NPR3: variants seen among roughly 807,000 people sequenced by gnomAD.
NPR3 encodes the protein natriuretic peptide receptor 3.
NPR3 carries 34 observed loss-of-function variants against 54.5 expected under a neutral mutation model. The observed-to-expected ratio is 0.62, with a 90% CI of 0.47 to 0.83. NPR3 has a LOEUF of 0.83. Among genes scored for constraint, NPR3 ranks in the 40% least tolerant of loss-of-function variants. NPR3 has a pLI of 0.00. For synonymous variants in NPR3, 289 were observed against 297.1 expected, an observed-to-expected ratio of 0.97 and a Z score of 0.28; for missense variants, 674 against 720.8, an observed-to-expected ratio of 0.94 and a Z score of 0.74.
In NPR3 at chr5:32,773,263, G is replaced by A. The variant is rs548793834; in HGVS notation, c.1060-1445G>A. On this transcript the variant is annotated intron_variant, in intron 3 of 7. Transcript: ENST00000265074. ...GGATTTTTTGTACTTTTTGTACAGAGTTTTTTTGTAAACCTCTTGGTGTTT... is the reference window on the plus strand; with the variant it reads ...GGATTTTTTGTACTTTTTGTACAGAATTTTTTTGTAAACCTCTTGGTGTTT... Among the ~76,000 whole-genome samples, 5 of 152,218 alleles carry A rather than the reference G, an allele frequency of 3.3e-5. No individual in the cohort carries two copies. In the East Asian group the frequency reaches 9.6e-4, roughly 29 times the overall value.
At chr5:32,702,523 G>A (rs1737850738) in intron 1 of NPR3, among the ~76,000 whole-genome samples, 1 of 148,644 alleles carries the variant, frequency 6.7e-6, no homozygotes, top group African/African-American at 2.5e-5. Flanking sequence ...GGTTTTTTTT[G>A]TCCTTACGAT....
intron 3 of NPR3, among the ~76,000 whole-genome samples, chr5:32,749,465 A>T (rs1456291811): frequency 6.6e-6 from 1 of 152,222 alleles, no homozygotes; most frequent in African/African-American, 2.4e-5. Context: ...GTGAGCCACT[A>T]TGGAGCTTTC....
chr5:32,756,957 G>A (rs1477750437), intron 3 of NPR3, among the ~76,000 whole-genome samples: 4 of 152,088 alleles, frequency 2.6e-5, no homozygotes, highest in Non-Finnish European at 2.9e-5. Context: ...TGTTCCATTG[G>A]TCTATATCTC....
intron 1 of NPR3, among the ~76,000 whole-genome samples, chr5:32,720,614 C>A (rs774590906): frequency 1.9e-4 from 29 of 152,144 alleles, no homozygotes; most frequent in Non-Finnish European, 3.7e-4. Flanking sequence ...GAAGAAAAGT[C>A]TATACATAAA....
chr5:32,774,780 G>A lies in NPR3; in HGVS notation c.1132G>A (p.Ala378Thr), dbSNP rs761113924. ...YVLALHEVLRAGYSKKDGGKI... is the reference protein window; with the variant it reads ...YVLALHEVLRTGYSKKDGGKI... Reference sequence around the variant, plus strand: ...CTTGGCTCTACATGAAGTACTCAGAGCTGGTTACAGCAAAAAGGATGGAGG... The same window carrying A: ...CTTGGCTCTACATGAAGTACTCAGAACTGGTTACAGCAAAAAGGATGGAGG... The change falls in exon 4 of 8, where the codon GCT becomes ACT. Residue 378 changes from alanine to threonine, a missense_variant. Physicochemically the swap from Ala to Thr is moderately conservative, Grantham distance 58. Transcript: ENST00000265074. The A allele has an allele frequency of 1.0e-5, 16 of 1,603,614 alleles. No individual in the cohort carries two copies. In the African/African-American group the frequency reaches 2.0e-4, roughly 20 times the overall value.
At chr5:32,713,107 T>C (rs1422821119) in intron 1 of NPR3, 2 of 913,566 alleles carry the variant, frequency 2.2e-6, no homozygotes, top group African/African-American at 1.8e-5. Context: ...TCTCATTCCT[T>C]TCATTTCCCT....
rs1738277595 is a variant in NPR3 at position 32,712,092 on chromosome 5, T to G, written c.316T>G (p.Ser106Ala). ...TCGCTTCCAGGTGGCTTACGAGGATTCAGACTGTGGGAACCGTGCGCTCTT... is the reference window on the plus strand; with the variant it reads ...TCGCTTCCAGGTGGCTTACGAGGATGCAGACTGTGGGAACCGTGCGCTCTT... ...GTRFQVAYED[S>A]DCGNRALFSL... The change falls in exon 1 of 8, where the codon TCA (serine) becomes GCA (alanine). Residue 106 changes from serine (S) to alanine (A), a missense_variant. By Grantham distance (99) the Ser-to-Ala change is moderately conservative (BLOSUM62 1). Coordinates refer to ENST00000265074, the MANE Select transcript of NPR3 (RefSeq NM_001204375.2). The G allele has an allele frequency of 6.2e-7, 1 of 1,613,776 alleles. No homozygotes were observed. Among genetic ancestry groups the G allele is most frequent in the Non-Finnish European group, 8.5e-7 (1 of 1,179,794 alleles).
chr5:32,764,000 C>T (rs1010602486), intron 3 of NPR3, among the ~76,000 whole-genome samples: 2 of 152,146 alleles, frequency 1.3e-5, no homozygotes, highest in East Asian at 3.8e-4. Context: ...GACTCCTAAC[C>T]TGTGGTCCTT....
intron 1 of NPR3, among the ~76,000 whole-genome samples, chr5:32,699,305 T>C (rs1740608737): frequency 6.6e-6 from 1 of 152,238 alleles, no homozygotes; most frequent in South Asian, 2.1e-4. Flanking sequence ...TTATTTTATT[T>C]AACTTTAAAT....
chr5:32,739,497 G>A (rs1739933111), intron 3 of NPR3, among the ~76,000 whole-genome samples: 1 of 152,140 alleles, frequency 6.6e-6, no homozygotes, highest in African/African-American at 2.4e-5. Context: ...TAGCGTTCTG[G>A]CTAGTCTGCT....
chr5:32,783,100 A>G (rs779284474), intron 6 of NPR3, 72 bp downstream of exon 6: 1 of 1,436,560 alleles, frequency 7.0e-7, no homozygotes, highest in Non-Finnish European at 9.5e-7. Context: ...TTTAAAACCC[A>G]AGTGTTTCTA....
At chr5:32,760,765 G>A (rs767303644) in intron 3 of NPR3, among the ~76,000 whole-genome samples, 1 of 151,256 alleles carries the variant, frequency 6.6e-6, no homozygotes, top group African/African-American at 2.4e-5. Context: ...AAGTCACAAA[G>A]ATATTTTCTG....
Position 32,782,975 on chromosome 5 carries a change from G to A in NPR3, c.1373G>A (p.Arg458Lys). The part of the protein sequence containing the change: ...VKYPWGPLKL[R>K]IDENRIVEHT... The stretch of plus-strand genomic sequence containing the variant: ...TATCCTTGGGGCCCTTTAAAACTGA[G>A]AATAGATGAAAACCGAATTGTAGAG... Residue 458 changes from arginine (R) to lysine (K), a missense_variant, in exon 6 of 8, where the codon AGA becomes AAA. Physicochemically the swap from Arg to Lys is conservative, Grantham distance 26. Coordinates refer to ENST00000265074, the MANE Select transcript of NPR3 (RefSeq NM_001204375.2). 1.2e-6 allele frequency: 2 copies of A among 1,608,852 alleles called. No homozygotes were observed. Among genetic ancestry groups the A allele is most frequent in the Admixed American group, 3.4e-5 (2 of 59,320 alleles).
intron 2 of NPR3, among the ~76,000 whole-genome samples, chr5:32,731,716 T>C (rs1214299304): frequency 6.6e-6 from 1 of 152,190 alleles, no homozygotes; most frequent in Non-Finnish European, 1.5e-5. Context: ...TGTTATCAGG[T>C]TAGCCAATGT....
At chr5:32,691,184 T>C (rs1009889632) in intron 1 of NPR3, among the ~76,000 whole-genome samples, 1 of 152,232 alleles carries the variant, frequency 6.6e-6, no homozygotes, top group African/African-American at 2.4e-5. Context: ...TCCTGGATAT[T>C]GTTCAGAGAA....
At chr5:32,739,532 C>A (rs536837477) in intron 3 of NPR3, among the ~76,000 whole-genome samples, 1 of 152,270 alleles carries the variant, frequency 6.6e-6, no homozygotes, top group Non-Finnish European at 1.5e-5. Context: ...TTGCCTCTTT[C>A]TGCTGTAAGT....
intron 3 of NPR3, among the ~76,000 whole-genome samples, chr5:32,769,600 G>T (rs1741647275): frequency 6.6e-6 from 1 of 152,194 alleles, no homozygotes; most frequent in Non-Finnish European, 1.5e-5. Flanking sequence ...TCCCTCCTTT[G>T]CACTGGGAAC....
intron 3 of NPR3, among the ~76,000 whole-genome samples, chr5:32,761,874 T>C (rs1741184872): frequency 6.6e-6 from 1 of 152,116 alleles, no homozygotes; most frequent in African/African-American, 2.4e-5. Flanking sequence ...ACACGTGCCA[T>C]GGTGATTTGC....
chr5:32,778,357 C>G (rs1490488817), intron 4 of NPR3, among the ~76,000 whole-genome samples: 1 of 152,134 alleles, frequency 6.6e-6, no homozygotes, highest in Non-Finnish European at 1.5e-5. Flanking sequence ...AAAAAGGTCT[C>G]TAAGGTATCT....
Sources: allele counts gnomAD v4.1 joint callset (sites outside exome capture counted in the v4.1 genomes callset), GRCh38; gene constraint gnomAD v4.1.1; transcripts MANE v1.5; gene names NCBI Gene and HGNC (gene_info 2026-07-23, HGNC 2026-07-21).